Variants in TUSC3 observed in about 807,000 individuals in gnomAD.
TUSC3 encodes the protein tumor suppressor candidate 3, also known as dolichyl-diphosphooligosaccharide--protein glycosyltransferase subunit TUSC3.
TUSC3 carries 45 observed loss-of-function variants against 44.8 expected under a neutral mutation model. The ratio of observed to expected loss-of-function variants is 1.00; its 90% CI spans 0.79 to 1.29. The LOEUF (loss-of-function observed/expected upper bound fraction) is 1.29. Among genes scored for constraint, TUSC3 ranks in the 50% most tolerant of loss-of-function variants. TUSC3 has a pLI of 0.00. For synonymous variants in TUSC3, 212 were observed against 152.9 expected (o/e 1.39, Z -2.85); for missense variants, 519 against 437.9 (o/e 1.19, Z -1.65).
At chr8:15,612,458 C>G (rs1804805540) in intron 1 of TUSC3, among the ~76,000 whole-genome samples, 1 of 152,026 alleles carries the variant, frequency 6.6e-6, no homozygotes, top group South Asian at 2.1e-4. Context: ...TGTACTATTT[C>G]TTGTATTTTT....
downstream of TUSC3, among the ~76,000 whole-genome samples, chr8:15,768,941 G>T (rs904361905): frequency 1.3e-5 from 2 of 152,058 alleles, no homozygotes; most frequent in African/African-American, 4.8e-5. Context: ...GACACAAATG[G>T]AAACACATTC....
At chr8:15,451,771 G>T (rs893844628) in intron 1 of TUSC3, among the ~76,000 whole-genome samples, 6 of 152,114 alleles carry the variant, frequency 3.9e-5, no homozygotes, top group Non-Finnish European at 8.8e-5. Flanking sequence ...CACCTGTGGG[G>T]TCTGATGCTC....
At chr8:15,622,587 G>A (rs1805299087) in intron 1 of TUSC3, among the ~76,000 whole-genome samples, 1 of 152,158 alleles carries the variant, frequency 6.6e-6, no homozygotes, top group African/African-American at 2.4e-5. Context: ...CAGTACATCA[G>A]TTTTTCCTAT....
intron 1 of TUSC3, among the ~76,000 whole-genome samples, chr8:15,617,572 T>C (rs1458409177): frequency 3.9e-5 from 6 of 152,180 alleles, no homozygotes; most frequent in Admixed American, 3.9e-4. Context: ...GCCAGATGTA[T>C]ATTTACTTAC....
chr8:15,469,114 A>G (rs965110398), intron 1 of TUSC3, among the ~76,000 whole-genome samples: 2 of 152,200 alleles, frequency 1.3e-5, no homozygotes, highest in African/African-American at 4.8e-5. Context: ...GCGATAATGA[A>G]GCAATTTGAA....
chr8:15,467,269 T>A (rs1172647666), intron 1 of TUSC3, among the ~76,000 whole-genome samples: 24 of 143,482 alleles, frequency 1.7e-4, no homozygotes, highest in African/African-American at 6.3e-4. Flanking sequence ...ATAGGAAAGT[T>A]CTTTAGCCAA....
intron 1 of TUSC3, among the ~76,000 whole-genome samples, chr8:15,615,432 A>C (rs533474902): frequency 4.6e-5 from 7 of 152,318 alleles, no homozygotes; most frequent in African/African-American, 1.7e-4. Flanking sequence ...GAGCTCATAG[A>C]AGTAGAGAGT....
chr8:15,512,872 G>GTA (rs55768442), intron 2 of TUSC3, among the ~76,000 whole-genome samples: 12 of 132,288 alleles, frequency 9.1e-5, no homozygotes, highest in Middle Eastern at 4.0e-3. Flanking sequence ...ATATGTGTGT[G>GTA]TATATATATA....
intron 8 of TUSC3, among the ~76,000 whole-genome samples, chr8:15,743,953 G>T (rs1811300240): frequency 1.3e-5 from 2 of 152,222 alleles, no homozygotes; most frequent in African/African-American, 4.8e-5. Context: ...AGTCTTCAGA[G>T]ATTTTATTGG....
At chr8:15,586,264 C>T (rs1309787626) in intron 1 of TUSC3, among the ~76,000 whole-genome samples, 1 of 152,140 alleles carries the variant, frequency 6.6e-6, no homozygotes, top group Non-Finnish European at 1.5e-5. Context: ...TGAAAACAAA[C>T]AGCTTACCTT....
At chr8:15,648,032 CTT>C (rs1806707821) in intron 2 of TUSC3, among the ~76,000 whole-genome samples, 1 of 152,254 alleles carries the variant, frequency 6.6e-6, no homozygotes, top group Admixed American at 6.5e-5. Context: ...AATTTGAAGA[CTT>C]AATCTCCTTT....
At chr8:15,467,573 C>T (rs1429599043) in intron 1 of TUSC3, among the ~76,000 whole-genome samples, 1 of 152,068 alleles carries the variant, frequency 6.6e-6, no homozygotes, top group East Asian at 1.9e-4. Context: ...TAATATTAGT[C>T]CTGAAAGAGT....
chr8:15,527,483 C>T (rs1374739390), intron 2 of TUSC3, among the ~76,000 whole-genome samples: 2 of 152,160 alleles, frequency 1.3e-5, no homozygotes, highest in Admixed American at 6.5e-5. Flanking sequence ...TCCCAAAGTG[C>T]TGGGATTACA....
At chr8:15,836,374 T>C in the TUSC3 span, among the ~76,000 whole-genome samples, 1 of 150,844 alleles carries the variant, frequency 6.6e-6, no homozygotes, top group Non-Finnish European at 1.5e-5. Flanking sequence ...GCTACTCGGA[T>C]GCTGAGGCAG....
chr8:15,608,150 GTTC>G (rs1804613643), intron 1 of TUSC3, among the ~76,000 whole-genome samples: 1 of 152,214 alleles, frequency 6.6e-6, no homozygotes, highest in African/African-American at 2.4e-5. Context: ...TATTTCCTGA[GTTC>G]TTGATTTTGA....
the TUSC3 span, among the ~76,000 whole-genome samples, chr8:15,832,558 C>T: frequency 1.1e-3 from 165 of 152,210 alleles, no homozygotes; most frequent in Middle Eastern, 3.4e-3. Flanking sequence ...GCAATGACAC[C>T]AACAGGCTCA....
At chr8:15,505,459 T>A (rs139431026) in intron 2 of TUSC3, among the ~76,000 whole-genome samples, 195 of 152,364 alleles carry the variant, frequency 1.3e-3, no homozygotes, top group African/African-American at 4.3e-3. Flanking sequence ...CTTAGCACCA[T>A]TTTTATTCCT....
Position 15,612,766 on chromosome 8 carries a change from A to G in TUSC3, c.139-10314A>G, listed in dbSNP as rs17121719. Among the ~76,000 whole-genome samples, 664 of 152,130 alleles carry G rather than the reference A, an allele frequency of 4.4e-3. 5 individuals are homozygous for G. The highest frequency in any genetic ancestry group is 0.015 in the African/African-American group (640 of 41,504). On this transcript the variant is annotated intron_variant, in intron 1 of 10. Transcript: ENST00000503731. Reference sequence around the variant, plus strand: ...CTTTTTTGTTTTGTTTTGTTTTTGAAGATTCTAAGTTACAGATTTCTTTTT... The same window carrying G: ...CTTTTTTGTTTTGTTTTGTTTTTGAGGATTCTAAGTTACAGATTTCTTTTT...
upstream of TUSC3, among the ~76,000 whole-genome samples, chr8:15,537,672 G>A (rs1037208302): frequency 6.6e-6 from 1 of 152,172 alleles, no homozygotes; most frequent in African/African-American, 2.4e-5. Flanking sequence ...CTTGGAAACT[G>A]AATATAAAGG....
Sources: allele counts gnomAD v4.1 joint callset (sites outside exome capture counted in the v4.1 genomes callset), GRCh38; gene constraint gnomAD v4.1.1; transcripts MANE v1.5; gene names NCBI Gene and HGNC (gene_info 2026-07-23, HGNC 2026-07-21).